The following TLK1 variants were observed in gnomAD, a reference collection of about 807,000 sequenced individuals.
TLK1 encodes the protein serine/threonine-protein kinase tousled-like 1.
TLK1 carries 24 observed loss-of-function variants against 105.3 expected under a neutral mutation model. That is an observed-to-expected ratio of 0.23 (90% confidence interval 0.17 to 0.32). The LOEUF is 0.32. Ranked by LOEUF, TLK1 falls within the 10% of genes least tolerant of loss-of-function variation. TLK1 has a pLI of 1.00. For missense variants in TLK1, 558 were observed against 910.5 expected, an observed-to-expected ratio of 0.61 and a Z score of 4.98; for synonymous variants, 321 against 310.4, an observed-to-expected ratio of 1.03 and a Z score of -0.36.
chr2:171,200,317 G>T (rs1693373447), intron 1 of TLK1, among the ~76,000 whole-genome samples: 1 of 152,094 alleles, frequency 6.6e-6, no homozygotes, highest in South Asian at 2.1e-4. Context: ...TTAAATTTCA[G>T]TTGCGTGATA....
intron 3 of TLK1, among the ~76,000 whole-genome samples, chr2:171,077,950 C>T (rs1207799609): frequency 6.6e-6 from 1 of 152,168 alleles, no homozygotes; most frequent in Non-Finnish European, 1.5e-5. Flanking sequence ...TTGGAAGAAT[C>T]GCAGGGGACC....
chr2:171,006,149 G>A lies in TLK1; in HGVS notation c.1902C>T (p.Tyr634=), dbSNP rs763232004. 4 of 1,585,094 alleles carry A rather than the reference G, an allele frequency of 2.5e-6. No individual in the cohort carries two copies. The highest frequency in any genetic ancestry group is 3.7e-5 in the Admixed American group (2 of 54,584). The change falls in exon 18 of 21, where the codon TAC becomes TAT. Residue 634 remains tyrosine, a splice_region_variant and synonymous_variant. Transcript: ENST00000431350. ...MDLTSQGAGT[Y]WYLPPECFVV... ...GATGTTTTTAGTAATACACTTACCA[G>A]TAAGTGCCTGCCCCCTGGGAAGTTA...
intron 4 of TLK1, among the ~76,000 whole-genome samples, chr2:171,059,217 T>C (rs1188675462): frequency 6.6e-6 from 1 of 152,214 alleles, no homozygotes; most frequent in African/African-American, 2.4e-5. Flanking sequence ...CTTCTGTCCA[T>C]AATAATTTCT....
intron 20 of TLK1, among the ~76,000 whole-genome samples, chr2:170,995,552 T>C (rs1278278004): frequency 1.3e-5 from 2 of 152,084 alleles, no homozygotes; most frequent in East Asian, 1.9e-4. Context: ...AAACAGATCA[T>C]GAATCAACTA....
intron 14 of TLK1, among the ~76,000 whole-genome samples, chr2:171,010,302 G>T (rs1036872674): frequency 1.3e-5 from 2 of 152,076 alleles, no homozygotes; most frequent in African/African-American, 2.4e-5. Context: ...GCAGATGAAT[G>T]GCAATGTTAT....
intron 20 of TLK1, among the ~76,000 whole-genome samples, chr2:170,995,185 A>AC (rs1257174929): frequency 4.6e-5 from 7 of 152,186 alleles, no homozygotes; most frequent in African/African-American, 1.7e-4. Context: ...CTGATATGTT[A>AC]GAGTTTGAGG....
upstream of TLK1, among the ~76,000 whole-genome samples, chr2:171,161,095 G>A (rs1432711771): frequency 6.8e-6 from 1 of 147,846 alleles, no homozygotes; most frequent in Non-Finnish European, 1.5e-5. Context: ...GAGCGCCGGG[G>A]CGCCCCTGCC....
intron 13 of TLK1, 125 bp from the exon 14 acceptor site, chr2:171,011,579 C>A: frequency 1.4e-6 from 1 of 735,376 alleles, no homozygotes. Flanking sequence ...CTGCTAATTT[C>A]AAATTTCATT....
intron 2 of TLK1, among the ~76,000 whole-genome samples, chr2:171,097,937 A>AGGGAAAG (rs1375769939): frequency 6.7e-6 from 1 of 149,090 alleles, no homozygotes; most frequent in Admixed American, 6.7e-5. Context: ...AAGGAAAGGA[A>AGGGAAAG]GGGAAAGGGG....
In TLK1 at chr2:171,046,381, A is replaced by G; in HGVS notation, c.981-19T>C. ...TTGTTGCCTGTGTAAAAATAAACAA[A>G]TAAAACCATATTAACCTTCCATTAC... is the stretch of plus-strand genomic sequence containing the variant. On this transcript the variant is annotated intron_variant, in intron 10 of 20. Transcript: ENST00000431350. 1 of 1,572,248 alleles carries G rather than the reference A, an allele frequency of 6.4e-7. No individual in the cohort carries two copies. Among genetic ancestry groups the G allele is most frequent in the Non-Finnish European group, 8.6e-7 (1 of 1,163,232 alleles).
At chr2:171,125,883 C>A (rs148425068) in intron 1 of TLK1, among the ~76,000 whole-genome samples, 4 of 152,080 alleles carry the variant, frequency 2.6e-5, no homozygotes, top group African/African-American at 7.2e-5. Context: ...TTTGCTTACT[C>A]CTGTTCTAGA....
Position 171,028,421 on chromosome 2 carries a change from T to C in TLK1, c.1170-16A>G, listed in dbSNP as rs1559351876. 1 of 1,559,588 alleles carries C rather than the reference T, an allele frequency of 6.4e-7. No individual in the cohort carries two copies. The highest frequency in any genetic ancestry group is 8.8e-7 in the Non-Finnish European group (1 of 1,132,816). On this transcript the variant is annotated splice_polypyrimidine_tract_variant and intron_variant, in intron 11 of 20. Transcript: ENST00000431350. ...CAAAGTCAACCTGTCAAAAATGAAA[T>C]TTTAATTCTACATATTGAGATTAAT...
chr2:171,057,421 T>C (rs1480056885), intron 5 of TLK1, among the ~76,000 whole-genome samples: 1 of 152,058 alleles, frequency 6.6e-6, no homozygotes, highest in South Asian at 2.1e-4. Flanking sequence ...CAAGAGACAT[T>C]TGTTGATTTG....
rs556261959 is a variant in TLK1, at chr2:171,107,546, T to C, written c.258+10193A>G. ...AGCATAACTAGCACCTAGATGTTGG[T>C]TCCTAAGCACCATTCTTCATTAAAA... On this transcript the variant is annotated intron_variant, in intron 2 of 20. Coordinates refer to ENST00000431350, the MANE Select transcript of TLK1 (RefSeq NM_012290.5). Among the ~76,000 whole-genome samples the C allele has an allele frequency of 2.0e-5, 3 of 152,260 alleles. No individual in the cohort carries two copies. In the South Asian group the frequency reaches 6.2e-4, roughly 32 times the overall value.
intron 1 of TLK1, among the ~76,000 whole-genome samples, chr2:171,190,833 C>A (rs954602521): frequency 2.6e-5 from 4 of 152,048 alleles, no homozygotes; most frequent in Admixed American, 2.6e-4. Flanking sequence ...ATTGTGATTT[C>A]TTTCCTTATT....
intron 1 of TLK1, among the ~76,000 whole-genome samples, chr2:171,138,822 TG>T (rs1267892967): frequency 1.3e-5 from 2 of 152,304 alleles, no homozygotes; most frequent in East Asian, 3.9e-4. Context: ...TCCATTAAAC[TG>T]GTTCATATGT....
At chr2:171,098,329 T>C (rs1046482131) in intron 2 of TLK1, among the ~76,000 whole-genome samples, 2 of 152,148 alleles carry the variant, frequency 1.3e-5, no homozygotes, top group African/African-American at 4.8e-5. Flanking sequence ...TCACAATATA[T>C]ATGTATATCA....
intron 18 of TLK1, among the ~76,000 whole-genome samples, chr2:171,001,749 T>C (rs999407610): frequency 6.6e-6 from 1 of 152,168 alleles, no homozygotes; most frequent in Non-Finnish European, 1.5e-5. Context: ...GCAGCTATCC[T>C]TTCTCCTCAA....
chr2:171,196,331 G>A (rs535411333), intron 1 of TLK1, among the ~76,000 whole-genome samples: 1 of 152,028 alleles, frequency 6.6e-6, no homozygotes, highest in Non-Finnish European at 1.5e-5. Context: ...TGGCCAGGCT[G>A]GTCTCAAACT....
Sources: allele counts gnomAD v4.1 joint callset (sites outside exome capture counted in the v4.1 genomes callset), GRCh38; gene constraint gnomAD v4.1.1; transcripts MANE v1.5; gene names NCBI Gene and HGNC (gene_info 2026-07-23, HGNC 2026-07-21).